Variants in LRP5 observed in about 807,000 individuals in gnomAD.
The protein encoded by LRP5 is LDL receptor related protein 5.
Under a neutral mutation model 154.1 loss-of-function variants are expected in LRP5, and 62 were observed. The observed-to-expected ratio is 0.40, with a 90% CI of 0.33 to 0.50. LRP5 has a LOEUF of 0.50. LRP5 is among the 20% of genes least tolerant of loss of function. The pLI is 0.55. For synonymous variants in LRP5, 966 were observed against 1,011.5 expected, an observed-to-expected ratio of 0.96 and a Z score of 0.85; for missense variants, 1,915 against 2,336.7, an observed-to-expected ratio of 0.82 and a Z score of 3.72.
At chr11:68,369,985 C>T (rs910680327) in intron 5 of LRP5, among the ~76,000 whole-genome samples, 3 of 152,154 alleles carry the variant, frequency 2.0e-5, no homozygotes, top group Non-Finnish European at 4.4e-5. Context: ...CCATGACCGG[C>T]GCCTTAGGTG....
In LRP5 at chr11:68,415,481, C is replaced by A. The variant is rs556489646; in HGVS notation, c.2828-847C>A. 7.8e-4 allele frequency among the ~76,000 whole-genome samples: 119 copies of A among 152,280 alleles called. 1 individual carries two copies. Among genetic ancestry groups the A allele is most frequent in the African/African-American group, 2.8e-3 (115 of 41,548 alleles). On this transcript the variant is annotated intron_variant, in intron 12 of 22. Transcript: ENST00000294304. ...ATTTATTGGGCTGGACACGGTGGCT[C>A]ATGACTGTTATCCCAGCACTTTGGG...
intron 7 of LRP5, among the ~76,000 whole-genome samples, chr11:68,399,123 C>T (rs1208478485): frequency 6.6e-6 from 1 of 151,872 alleles, no homozygotes; most frequent in African/African-American, 2.4e-5. Context: ...GAGTTTGAGG[C>T]TGGGCTCAAG....
chr11:68,311,252 C>A (rs971254649), upstream of LRP5, among the ~76,000 whole-genome samples: 3 of 152,178 alleles, frequency 2.0e-5, no homozygotes, highest in Non-Finnish European at 4.4e-5. Flanking sequence ...TCCTCTTCCC[C>A]GCCTGAGGTC....
intron 19 of LRP5, among the ~76,000 whole-genome samples, chr11:68,437,730 G>T (rs2098675812): frequency 6.6e-6 from 1 of 152,224 alleles, no homozygotes; most frequent in African/African-American, 2.4e-5. Context: ...GCACCTTCGT[G>T]CCAGGTCAGG....
intron 1 of LRP5, among the ~76,000 whole-genome samples, chr11:68,325,439 C>T (rs2098599104): frequency 1.3e-5 from 2 of 152,182 alleles, no homozygotes; most frequent in Non-Finnish European, 2.9e-5. Flanking sequence ...CTTGGCTGCC[C>T]ACAGCACCTA....
chr11:68,309,745 G>A (rs180681073), upstream of LRP5, among the ~76,000 whole-genome samples: 13 of 152,214 alleles, frequency 8.5e-5, no homozygotes, highest in East Asian at 2.3e-3. Flanking sequence ...GCCATCCTGG[G>A]CCCCCTTCCC....
the LRP5 span, among the ~76,000 whole-genome samples, chr11:68,306,366 C>A: frequency 6.6e-6 from 1 of 152,132 alleles, no homozygotes; most frequent in African/African-American, 2.4e-5. Flanking sequence ...GAACTCATGA[C>A]CTTAGGTGAT....
chr11:68,413,808 A>G lies in LRP5; in HGVS notation c.2623A>G (p.Ser875Gly). 2.5e-6 allele frequency: 4 copies of G among 1,613,662 alleles called. No individual in the cohort carries two copies. The highest frequency in any genetic ancestry group is 3.4e-6 in the Non-Finnish European group (4 of 1,179,880). ...LHSIERADKT[S>G]GRNRTLIQGH... ...CAGCATTGAGCGGGCCGACAAGACT[A>G]GCGGCCGGAACCGCACCCTCATCCA... Residue 875 changes from serine to glycine, a missense_variant, in exon 12 of 23, where the codon AGC (serine) becomes GGC (glycine). Ser to Gly is a moderately conservative substitution (Grantham distance 56, BLOSUM62 0). Coordinates refer to ENST00000294304, the MANE Select transcript of LRP5 (RefSeq NM_002335.4). This position sits in a 1 kb window ranked among gnomAD's most constrained non-coding sequence, Gnocchi z 5.1.
At chr11:68,299,580 C>T in the LRP5 span, among the ~76,000 whole-genome samples, 59 of 148,180 alleles carry the variant, frequency 4.0e-4, no homozygotes, top group Non-Finnish European at 6.6e-4. Context: ...AGGGGAAGGG[C>T]CAGTCTTTTT....
chr11:68,310,773 A>AG (rs2098587250), upstream of LRP5, among the ~76,000 whole-genome samples: 3 of 151,460 alleles, frequency 2.0e-5, no homozygotes, highest in Admixed American at 6.6e-5. Context: ...AAAAAAAAAA[A>AG]AGAGTCCCAG....
chr11:68,332,428 C>T (rs1565322724), intron 1 of LRP5, among the ~76,000 whole-genome samples: 1 of 152,252 alleles, frequency 6.6e-6, no homozygotes, highest in Non-Finnish European at 1.5e-5. Context: ...CCGGGCCCTG[C>T]TCTGCACCAG....
chr11:68,406,912 C>A, intron 9 of LRP5, 99 bp downstream of exon 9: 2 of 1,217,392 alleles, frequency 1.6e-6, no homozygotes, highest in Non-Finnish European at 2.4e-6. Context: ...AAAGCACTAT[C>A]GTATTTATTG....
chr11:68,409,073 A>AATATATATATATATAT (rs1174773377), intron 9 of LRP5, among the ~76,000 whole-genome samples: 10 of 44,152 alleles, frequency 2.3e-4, no homozygotes, highest in African/African-American at 1.3e-3. Context: ...AAAAAAAAAA[A>AATATATATATATATAT]ATATATATAT....
At chr11:68,433,463 G>A (rs1287248982) in intron 17 of LRP5, 139 bp from the exon 18 acceptor site, 4 of 786,138 alleles carry the variant, frequency 5.1e-6, no homozygotes, top group African/African-American at 1.7e-5. Flanking sequence ...GAGGATGTGC[G>A]GGTGCAGCAC....
At chr11:68,338,893 A>G (rs1253309869) in intron 1 of LRP5, among the ~76,000 whole-genome samples, 1 of 6,970 alleles carries the variant, frequency 1.4e-4, no homozygotes, top group African/African-American at 4.5e-4. Context: ...TTTTTTTTTG[A>G]GACAGAATCT....
At chr11:68,428,388 T>C (rs188232660) in intron 16 of LRP5, among the ~76,000 whole-genome samples, 1 of 152,254 alleles carries the variant, frequency 6.6e-6, no homozygotes, top group East Asian at 1.9e-4. Flanking sequence ...CAGAAATGGA[T>C]TCCCCCAATG....
At chr11:68,332,434 A>G (rs1207543967) in intron 1 of LRP5, among the ~76,000 whole-genome samples, 2 of 152,186 alleles carry the variant, frequency 1.3e-5, no homozygotes, top group Non-Finnish European at 2.9e-5. Flanking sequence ...CCTGCTCTGC[A>G]CCAGGTTCCA....
intron 17 of LRP5, among the ~76,000 whole-genome samples, chr11:68,432,502 C>T (rs1400416245): frequency 6.6e-6 from 1 of 152,256 alleles, no homozygotes; most frequent in African/African-American, 2.4e-5. Flanking sequence ...CACACAGTCC[C>T]TGTCACTCGG....
intron 16 of LRP5, among the ~76,000 whole-genome samples, chr11:68,427,727 CA>C (rs1238161372): frequency 2.6e-5 from 4 of 151,444 alleles, no homozygotes; most frequent in Admixed American, 1.3e-4. Flanking sequence ...GACCCTATCC[CA>C]AAAAAACCGA....
Sources: allele counts gnomAD v4.1 joint callset (sites outside exome capture counted in the v4.1 genomes callset), GRCh38; gene constraint gnomAD v4.1.1; non-coding constraint Gnocchi (gnomAD v3.1); transcripts MANE v1.5; gene names NCBI Gene and HGNC (gene_info 2026-07-23, HGNC 2026-07-21).